Variants in PPP1R15B observed in about 807,000 individuals in gnomAD.
PPP1R15B encodes protein phosphatase 1, regulatory (inhibitor) subunit 15B.
In PPP1R15B, 31 loss-of-function variants were observed where a neutral mutation model predicts 53.9. That is an observed-to-expected ratio of 0.58 (90% CI 0.43 to 0.78). The LOEUF is 0.78. PPP1R15B is among the 30% of genes least tolerant of loss of function. The pLI, the probability that PPP1R15B is intolerant of heterozygous loss-of-function variation, is 0.00. For missense variants in PPP1R15B, 928 were observed against 849.6 expected (o/e 1.09, Z -1.15); for synonymous variants, 345 against 329.1 (o/e 1.05, Z -0.52).
downstream of PPP1R15B, among the ~76,000 whole-genome samples, chr1:204,400,385 G>A (rs564188568): frequency 1.3e-5 from 2 of 150,284 alleles, no homozygotes; most frequent in South Asian, 2.1e-4. Context: ...TCACTTTGTC[G>A]TGCAGGCTGC....
At position 204,411,379 on chromosome 1, in the gene PPP1R15B, C is replaced by A; in HGVS notation, c.33G>T (p.Arg11=). The A allele has an allele frequency of 6.2e-7, 1 of 1,613,172 alleles. No individual in the cohort carries two copies. The highest frequency in any genetic ancestry group is 8.5e-7 in the Non-Finnish European group (1 of 1,179,988). MEPGTGGSRK[R]LGPRAGFRFW... ...ACCGGAAGCCCGCCCGAGGGCCAAG[C>A]CGTTTCCGCGATCCGCCTGTCCCCG... The change falls in exon 1 of 2, where the codon CGG becomes CGT. Residue 11 remains arginine, a synonymous_variant. Coordinates refer to ENST00000367188, the MANE Select transcript of PPP1R15B (RefSeq NM_032833.5).
rs377068301 is a variant in PPP1R15B at position 204,409,534 on chromosome 1, G to A, written c.1878C>T (p.Asp626=). The A allele has an allele frequency of 1.5e-5, 24 of 1,613,436 alleles. No homozygotes were observed. Among genetic ancestry groups the A allele is most frequent in the Middle Eastern group, 1.7e-4 (1 of 6,060 alleles). ...ESECPDSVQR[D]VLSGGRHTHV... is the part of the protein sequence containing the mutation. ...GTGTGTGTCTTCCTCCAGAAAGAAC[G>A]TCACGCTGTACCGAGTCTGGACATT... The change falls in exon 1 of 2, where the codon GAC becomes GAT. Residue 626 remains aspartate, a synonymous_variant. Coordinates refer to ENST00000367188, the MANE Select transcript of PPP1R15B (RefSeq NM_032833.5).
intron 1 of PPP1R15B, 69 bp downstream of exon 1, chr1:204,409,423 A>T: frequency 6.6e-7 from 1 of 1,504,678 alleles, no homozygotes; most frequent in Non-Finnish European, 8.9e-7. Flanking sequence ...CTCCAAAGTC[A>T]TGCTGCTATA....
chr1:204,404,647 T>A lies in PPP1R15B; in HGVS notation c.*1445A>T. The A allele has an allele frequency of 1.0e-6, 1 of 985,782 alleles. No individual in the cohort carries two copies. The highest frequency in any genetic ancestry group is 4.7e-5 in the South Asian group (1 of 21,284). The allele number at this position is 985,782 out of a possible 1,614,324, so 61.1% of individuals were successfully genotyped here. On this transcript the variant is annotated 3_prime_UTR_variant, in exon 2 of 2. Coordinates refer to ENST00000367188, the MANE Select transcript of PPP1R15B (RefSeq NM_032833.5). ...AATAAAATAATGACCAGGTAGATTG[T>A]AAACTGAGGTAGTAACCCTGTAAGC...
intron 1 of PPP1R15B, 151 bp downstream of exon 1, chr1:204,409,341 G>A (rs1046944598): frequency 2.2e-5 from 18 of 829,400 alleles, no homozygotes; most frequent in Non-Finnish European, 3.3e-5. Context: ...GAGGAGAAGG[G>A]TCATTTACAT....
chr1:204,406,031 T>A lies in PPP1R15B; in HGVS notation c.*61A>T. On this transcript the variant is annotated 3_prime_UTR_variant, in exon 2 of 2. Transcript: ENST00000367188. ...CAAAGGACAGCTGCCAAGATTTGTT[T>A]TTAAAAGACACCTCTCAGGTAAGAG... is the stretch of plus-strand genomic sequence containing the variant. The A allele has an allele frequency of 6.4e-7, 1 of 1,555,476 alleles. No individual in the cohort carries two copies. Among genetic ancestry groups the A allele is most frequent in the Non-Finnish European group, 8.7e-7 (1 of 1,151,574 alleles).
rs1446469410 is a variant in PPP1R15B, at chr1:204,406,270, T to C, written c.1964A>G (p.Asp655Gly). The change falls in exon 2 of 2, where the codon GAT becomes GGT. Residue 655 changes from aspartate to glycine, a missense_variant. Asp to Gly is a moderately conservative substitution (Grantham distance 94, BLOSUM62 -1). Transcript: ENST00000367188. ...EEVTEYYISG[D>G]EDRKGPWEEF... ...TTCCCATGGTCCTTTGCGATCCTCA[T>C]CACCACTTATATAATACTCAGTAAC... 1 of 1,614,028 alleles carries C rather than the reference T, an allele frequency of 6.2e-7. No homozygotes were observed. The highest frequency in any genetic ancestry group is 1.3e-5 in the African/African-American group (1 of 74,916).
rs1238050279 is a variant in PPP1R15B at position 204,404,704 on chromosome 1, A to C, written c.*1388T>G. On this transcript the variant is annotated 3_prime_UTR_variant, in exon 2 of 2. Transcript: ENST00000367188. ...GATGAAAAATTCATCCCCACACTTA[A>C]ATAAGTTCAAAACTAAGAGGTCACC... 4.1e-6 allele frequency: 4 copies of C among 985,660 alleles called. No individual in the cohort carries two copies. The highest frequency in any genetic ancestry group is 4.8e-6 in the Non-Finnish European group (4 of 829,928). 61.1% of individuals were successfully genotyped at this position (985,660 alleles called of 1,614,324 possible).
At chr1:204,396,540 G>A (rs1462093227), downstream of PPP1R15B, among the ~76,000 whole-genome samples, 2 of 126,572 alleles carry the variant, frequency 1.6e-5, no homozygotes, top group African/African-American at 2.9e-5. Context: ...GTGACAGTAA[G>A]ACCCTGTCTG....
Position 204,410,257 on chromosome 1 carries a change from A to C in PPP1R15B, c.1155T>G (p.Cys385Trp), listed in dbSNP as rs1211498022. The change falls in exon 1 of 2, where the codon TGT (cysteine) becomes TGG (tryptophan). Residue 385 changes from cysteine (C) to tryptophan (W), a missense_variant. Coordinates refer to ENST00000367188, the MANE Select transcript of PPP1R15B (RefSeq NM_032833.5). Reference protein sequence around the residue: ...ALEEESPSEGCPSSEIPMEKE... With the variant: ...ALEEESPSEGWPSSEIPMEKE... ...TTTCCATAGGTATCTCACTAGATGG[A>C]CAGCCCTCAGAAGGGCTCTCTTCTT... 1.9e-6 allele frequency: 3 copies of C among 1,614,060 alleles called. No individual in the cohort carries two copies. Among genetic ancestry groups the C allele is most frequent in the Non-Finnish European group, 2.5e-6 (3 of 1,180,042 alleles).
chr1:204,396,379 AAAAC>A (rs1352099166), downstream of PPP1R15B, among the ~76,000 whole-genome samples: 1 of 42,568 alleles, frequency 2.3e-5, no homozygotes, highest in Non-Finnish European at 8.2e-5. Flanking sequence ...AGCAAAAACA[AAAAC>A]AAAAAAAAAA....
At chr1:204,402,835 A>G (rs891950832), downstream of PPP1R15B, among the ~76,000 whole-genome samples, 1 of 151,932 alleles carries the variant, frequency 6.6e-6, no homozygotes, top group Non-Finnish European at 1.5e-5. Context: ...GCACTTTGGG[A>G]GGCCGAGGCA....
downstream of PPP1R15B, among the ~76,000 whole-genome samples, chr1:204,401,978 T>C (rs1247919115): frequency 6.6e-6 from 1 of 152,196 alleles, no homozygotes; most frequent in Non-Finnish European, 1.5e-5. Context: ...CTTTTAACTT[T>C]CTACTAAAGT....
chr1:204,410,427 G>T lies in PPP1R15B; in HGVS notation c.985C>A (p.His329Asn), dbSNP rs1288663724. 6.2e-7 allele frequency: 1 copy of T among 1,614,214 alleles called. No homozygotes were observed. Among genetic ancestry groups the T allele is most frequent in the South Asian group, 1.1e-5 (1 of 91,088 alleles). The change falls in exon 1 of 2, where the codon CAC (histidine) becomes AAC (asparagine). Residue 329 changes from histidine to asparagine, a missense_variant. Physicochemically the swap from His to Asn is moderately conservative, Grantham distance 68. Coordinates refer to ENST00000367188, the MANE Select transcript of PPP1R15B (RefSeq NM_032833.5). ...DNGYHSLEEE[H>N]SLLRMDPKHC... ...TTTGGATCCATCCGGAGAAGGCTGT[G>T]TTCCTCCTCCAGGCTGTGGTAGCCA... is the stretch of plus-strand genomic sequence containing the variant.
chr1:204,411,102 T>C lies in PPP1R15B; in HGVS notation c.310A>G (p.Ser104Gly), dbSNP rs371260745. 32 of 1,614,198 alleles carry C rather than the reference T, an allele frequency of 2.0e-5. No individual in the cohort carries two copies. Among genetic ancestry groups the C allele is most frequent in the Non-Finnish European group, 2.5e-5 (30 of 1,180,020 alleles). Residue 104 changes from serine (S) to glycine (G), a missense_variant, in exon 1 of 2, where the codon AGC becomes GGC. Transcript: ENST00000367188. ...CGTCCCTTCAGGGCTCTCAGGGCGC[T>C]GTAGACTCCAGCAAAATCTAGCCAT... ...TRWLDFAGVY[S>G]ALRALKGREK...
At chr1:204,400,600 A>T, downstream of PPP1R15B, 1 of 245,748 alleles carries the variant, frequency 4.1e-6, no homozygotes, top group Non-Finnish European at 6.5e-6. Context: ...TGCTGGGATT[A>T]CAGGCATGAG....
In PPP1R15B at chr1:204,404,741, T is replaced by C. The variant is rs758538671; in HGVS notation, c.*1351A>G. ...ACTAAGAGGTCACCTATTCTACTTA[T>C]GTTTTCCATTACCTGTGACAGGAAG... On this transcript the variant is annotated 3_prime_UTR_variant, in exon 2 of 2. Transcript: ENST00000367188. 1.5e-5 allele frequency: 15 copies of C among 985,874 alleles called. No individual in the cohort carries two copies. Among genetic ancestry groups the C allele is most frequent in the Admixed American group, 1.2e-4 (2 of 16,290 alleles). 61.1% of individuals were successfully genotyped at this position (985,874 alleles called of 1,614,324 possible).
chr1:204,407,236 G>C (rs1475255349), intron 1 of PPP1R15B, among the ~76,000 whole-genome samples: 1 of 152,092 alleles, frequency 6.6e-6, no homozygotes, highest in Non-Finnish European at 1.5e-5. Flanking sequence ...CAATACAGAA[G>C]AGAAAAAGTT....
rs755678052 is a variant in PPP1R15B at position 204,410,792 on chromosome 1, G to C, written c.620C>G (p.Pro207Arg). Residue 207 changes from proline to arginine, a missense_variant, in exon 1 of 2, where the codon CCT becomes CGT. Pro to Arg is a moderately radical substitution (Grantham distance 103). Coordinates refer to ENST00000367188, the MANE Select transcript of PPP1R15B (RefSeq NM_032833.5). ...NRELGSSPSG[P>R]LNIQRIDNFS... ...ATTGTCTATGCGTTGAATGTTTAGA[G>C]GCCCAGAGGGCGAAGAGCCAAGTTC... is the stretch of plus-strand genomic sequence containing the variant. The C allele has an allele frequency of 1.9e-6, 3 of 1,614,210 alleles. No individual in the cohort carries two copies. Among genetic ancestry groups the C allele is most frequent in the East Asian group, 2.2e-5 (1 of 44,890 alleles).
Sources: allele counts gnomAD v4.1 joint callset (sites outside exome capture counted in the v4.1 genomes callset), GRCh38; gene constraint gnomAD v4.1.1; transcripts MANE v1.5; gene names NCBI Gene and HGNC (gene_info 2026-07-23, HGNC 2026-07-21).